The following EHBP1 variants were observed in gnomAD, a reference collection of about 807,000 sequenced individuals.
EHBP1 encodes EH domain binding protein 1.
In EHBP1, 55 loss-of-function variants were observed where a neutral mutation model predicts 144.0. That is an observed-to-expected ratio of 0.38 (90% CI 0.31 to 0.48). The LOEUF is 0.48. Ranked by LOEUF, EHBP1 falls within the 20% of genes least tolerant of loss-of-function variation. EHBP1 has a pLI of 0.98. For missense variants in EHBP1, 1,200 were observed against 1,364.2 expected (o/e 0.88, Z 1.90); for synonymous variants, 469 against 472.7 (o/e 0.99, Z 0.10).
At chr2:62,843,829 A>G (rs1411688358) in intron 7 of EHBP1, among the ~76,000 whole-genome samples, 1 of 152,204 alleles carries the variant, frequency 6.6e-6, no homozygotes, top group Non-Finnish European at 1.5e-5. Flanking sequence ...TTTTATAAGC[A>G]TGGTTACAAA....
intron 10 of EHBP1, among the ~76,000 whole-genome samples, chr2:62,933,182 T>C (rs918439575): frequency 6.6e-6 from 1 of 151,868 alleles, no homozygotes; most frequent in East Asian, 1.9e-4. Context: ...ATATAGTATT[T>C]TCATGAAAAA....
At chr2:63,002,188 G>A (rs956548979) in intron 19 of EHBP1, among the ~76,000 whole-genome samples, 1 of 152,018 alleles carries the variant, frequency 6.6e-6, no homozygotes, top group African/African-American at 2.4e-5. Context: ...ACCTTCAGAG[G>A]GTAGTTTTCA....
At chr2:62,792,577 G>A (rs2043233693) in intron 5 of EHBP1, among the ~76,000 whole-genome samples, 1 of 151,918 alleles carries the variant, frequency 6.6e-6, no homozygotes, top group Non-Finnish European at 1.5e-5. Context: ...TATATTTATG[G>A]ATTTTTAAAA....
intron 5 of EHBP1, among the ~76,000 whole-genome samples, chr2:62,823,095 CA>C: frequency 6.6e-6 from 1 of 151,934 alleles, no homozygotes; most frequent in African/African-American, 2.4e-5. Context: ...TTCCTAGGTC[CA>C]TCTTTAGGTC....
At chr2:62,700,725 A>G (rs529594707), upstream of EHBP1, among the ~76,000 whole-genome samples, 6 of 152,274 alleles carry the variant, frequency 3.9e-5, no homozygotes, top group East Asian at 9.6e-4. Flanking sequence ...AAATTAAATA[A>G]TATTAAAACT....
chr2:62,814,292 C>T (rs1189276162), intron 5 of EHBP1, among the ~76,000 whole-genome samples: 1 of 152,238 alleles, frequency 6.6e-6, no homozygotes, highest in African/African-American at 2.4e-5. Context: ...ATTGCCTGCT[C>T]TCTTGTCCTT....
At chr2:62,814,555 G>A (rs557244565) in intron 5 of EHBP1, among the ~76,000 whole-genome samples, 2 of 152,342 alleles carry the variant, frequency 1.3e-5, no homozygotes, top group Admixed American at 1.3e-4. Flanking sequence ...TGATTCAGTA[G>A]TACTCAGAAC....
intron 2 of EHBP1, among the ~76,000 whole-genome samples, chr2:62,739,181 A>G (rs1359697846): frequency 1.3e-5 from 2 of 152,162 alleles, no homozygotes; most frequent in Non-Finnish European, 2.9e-5. Flanking sequence ...TCTTCATGTG[A>G]TTCTTTTATC....
intron 4 of EHBP1, among the ~76,000 whole-genome samples, chr2:62,765,485 T>C (rs557092138): frequency 6.6e-6 from 1 of 152,266 alleles, no homozygotes; most frequent in Admixed American, 6.5e-5. Context: ...GGTACTTTTC[T>C]AGATCCTGGG....
At chr2:62,776,873 G>C (rs2042088290) in intron 5 of EHBP1, among the ~76,000 whole-genome samples, 1 of 152,108 alleles carries the variant, frequency 6.6e-6, no homozygotes. Context: ...AGCCACAACA[G>C]TTATATTTAG....
intron 7 of EHBP1, among the ~76,000 whole-genome samples, chr2:62,833,909 A>G (rs1169611474): frequency 1.3e-5 from 2 of 152,228 alleles, no homozygotes; most frequent in African/African-American, 4.8e-5. Flanking sequence ...AGGTCAAAAT[A>G]TCAACATCAA....
chr2:62,868,442 T>C (rs2050206398), intron 9 of EHBP1, among the ~76,000 whole-genome samples: 1 of 152,140 alleles, frequency 6.6e-6, no homozygotes, highest in Non-Finnish European at 1.5e-5. Context: ...GACTTTGTAT[T>C]TGGGAGATTT....
At chr2:62,980,435 C>T (rs2058914986) in intron 15 of EHBP1, among the ~76,000 whole-genome samples, 1 of 152,068 alleles carries the variant, frequency 6.6e-6, no homozygotes, top group Non-Finnish European at 1.5e-5. Flanking sequence ...GGTCCATGGC[C>T]CTGGGTTTGA....
intron 5 of EHBP1, among the ~76,000 whole-genome samples, chr2:62,808,922 C>T (rs1210025151): frequency 6.6e-6 from 1 of 152,188 alleles, no homozygotes; most frequent in Non-Finnish European, 1.5e-5. Context: ...TATTTCTCTT[C>T]TCCCAGGTTA....
chr2:62,729,492 T>A, intron 2 of EHBP1, among the ~76,000 whole-genome samples: 1 of 81,462 alleles, frequency 1.2e-5, no homozygotes, highest in Admixed American at 1.6e-4. Flanking sequence ...TATAAATATA[T>A]AAATATATAA....
At chr2:62,830,153 G>GACACAC (rs368948717) in intron 6 of EHBP1, among the ~76,000 whole-genome samples, 17,017 of 131,862 alleles carry the variant, frequency 0.13, 1,194 homozygotes, top group South Asian at 0.16. Flanking sequence ...TATATATATA[G>GACACAC]ACACACACAC....
Position 62,818,326 on chromosome 2 carries a change from A to G in EHBP1, c.313-7761A>G, listed in dbSNP as rs542765769. Among the ~76,000 whole-genome samples the G allele has an allele frequency of 5.9e-5, 9 of 151,794 alleles. No homozygotes were observed. In the South Asian group the frequency reaches 1.9e-3, roughly 32 times the overall value. ...ATTTAAAAAGTTTTTTAAATGGTGC[A>G]CCTGTATTTTTACTGCACCTTTTCC... is the stretch of plus-strand genomic sequence containing the variant. On this transcript the variant is annotated intron_variant, in intron 5 of 22. Coordinates refer to ENST00000431489, the MANE Select transcript of EHBP1 (RefSeq NM_001142616.3).
intron 7 of EHBP1, chr2:62,858,230 G>A (rs1413296768): frequency 7.2e-6 from 3 of 417,676 alleles, no homozygotes; most frequent in African/African-American, 2.0e-5. Context: ...TATGAGTACA[G>A]CATAACATTC....
intron 10 of EHBP1, among the ~76,000 whole-genome samples, chr2:62,897,885 G>T (rs1283234843): frequency 6.6e-6 from 1 of 152,054 alleles, no homozygotes; most frequent in African/African-American, 2.4e-5. Flanking sequence ...GAAATGTTCT[G>T]TATCTGCATT....
Sources: allele counts gnomAD v4.1 joint callset (sites outside exome capture counted in the v4.1 genomes callset), GRCh38; gene constraint gnomAD v4.1.1; transcripts MANE v1.5; gene names NCBI Gene and HGNC (gene_info 2026-07-23, HGNC 2026-07-21).